The following ASB13 variants were observed in gnomAD, a reference collection of about 807,000 sequenced individuals.
ASB13 encodes ankyrin repeat and SOCS box protein 13.
In ASB13, 33 loss-of-function variants were observed where a neutral mutation model predicts 28.8. The observed-to-expected ratio is 1.15, with a 90% confidence interval of 0.87 to 1.53. ASB13 has a LOEUF of 1.53. ASB13 is among the 40% of genes most tolerant of loss of function. The pLI is 0.00. For synonymous variants in ASB13, 182 were observed against 172.9 expected (o/e 1.05, Z -0.41); for missense variants, 414 against 390.1 (o/e 1.06, Z -0.52).
At position 5,652,875 on chromosome 10, in the gene ASB13, C is replaced by A; in HGVS notation, c.219G>T (p.Ala73=). The A allele has an allele frequency of 6.4e-7, 1 of 1,551,144 alleles. No individual in the cohort carries two copies. Among genetic ancestry groups the A allele is most frequent in the South Asian group, 1.2e-5 (1 of 84,204 alleles). ...GQARCVQLLL[A]AGAQVDARNI... ...AAGGGCCACTCACCTGGGCCCCAGC[C>A]GCCAGCAGCAGCTGCACACACCGCG... The change falls in exon 2 of 6, where the codon GCG becomes GCT. Residue 73 remains alanine, a synonymous_variant. Coordinates refer to ENST00000357700, the MANE Select transcript of ASB13 (RefSeq NM_024701.4). The surrounding 1 kb of genome is among the most constrained non-coding windows in gnomAD (Gnocchi z 5.0).
Position 5,666,426 on chromosome 10 carries a change from C to A in ASB13, c.43+83G>T, listed in dbSNP as rs539003989. 5.1e-6 allele frequency: 6 copies of A among 1,179,704 alleles called. No individual in the cohort carries two copies. In the African/African-American group the frequency reaches 6.5e-5, roughly 13 times the overall value. 73.1% of individuals were successfully genotyped at this position (1,179,704 alleles called of 1,614,324 possible). ...CAGCGCGGGGCGCGCCACCACCTCC[C>A]CGGCGCAGGCCATCGGATACGCGGC... On this transcript the variant is annotated intron_variant, in intron 1 of 5. Coordinates refer to ENST00000357700, the MANE Select transcript of ASB13 (RefSeq NM_024701.4).
At chr10:5,640,922 G>T in intron 5 of ASB13, 92 bp from the exon 6 acceptor site, 1 of 1,501,884 alleles carries the variant, frequency 6.7e-7, no homozygotes. Flanking sequence ...AATCGGAAAC[G>T]CCTCCCTTTC....
At chr10:5,653,662 ATT>A (rs1554742839) in intron 1 of ASB13, among the ~76,000 whole-genome samples, 1 of 4,606 alleles carries the variant, frequency 2.2e-4, no homozygotes, top group Admixed American at 3.9e-3. Flanking sequence ...GATGCCATTT[ATT>A]TATTTATTTA....
Position 5,650,208 on chromosome 10 carries a change from T to C in ASB13, c.382+1005A>G, listed in dbSNP as rs939194295. ...CACTCCACCAGCCTACTCTGAGCAC[T>C]GGGCACCTTGATCTCAGCGATGGTC... On this transcript the variant is annotated intron_variant, in intron 3 of 5. Coordinates refer to ENST00000357700, the MANE Select transcript of ASB13 (RefSeq NM_024701.4). This position sits in a 1 kb window ranked among gnomAD's most constrained non-coding sequence, Gnocchi z 6.0. Among the ~76,000 whole-genome samples, 5 of 152,200 alleles carry C rather than the reference T, an allele frequency of 3.3e-5. No homozygotes were observed. Among genetic ancestry groups the C allele is most frequent in the African/African-American group, 7.2e-5 (3 of 41,450 alleles).
chr10:5,666,389 C>G lies in ASB13; in HGVS notation c.43+120G>C, dbSNP rs968911122. On this transcript the variant is annotated intron_variant, in intron 1 of 5. Transcript: ENST00000357700. ...CGCGGCCCACCCCGCCAAACGCCCC[C>G]GCCCACGGAGCCAGCGCGGGGCGCG... The G allele has an allele frequency of 4.6e-5, 41 of 892,916 alleles. No individual in the cohort carries two copies. The African/African-American group carries it at 6.1e-4, about 13-fold the overall frequency. 55.3% of individuals were successfully genotyped at this position (892,916 alleles called of 1,614,324 possible).
Position 5,662,546 on chromosome 10 carries a change from GA to G in ASB13, c.43+3962del, listed in dbSNP as rs1835186711. On this transcript the variant is annotated intron_variant, in intron 1 of 5. Transcript: ENST00000357700. ...CTCTGTCGAGAAGGGGGGGGGAGGG[GA>G]GGGGAGGGGAGGGGAGGGGAGAAGA... 6.3e-4 allele frequency among the ~76,000 whole-genome samples: 43 copies of G among 68,340 alleles called. 1 individual carries two copies. Among genetic ancestry groups the G allele is most frequent in the African/African-American group, 1.5e-3 (25 of 17,146 alleles). 44.8% of individuals were successfully genotyped at this position (68,340 alleles called of 152,430 possible).
In ASB13 at chr10:5,660,686, C is replaced by T. The variant is rs982568295; in HGVS notation, c.43+5823G>A. Among the ~76,000 whole-genome samples the T allele has an allele frequency of 6.6e-6, 1 of 152,204 alleles. No individual in the cohort carries two copies. Among genetic ancestry groups the T allele is most frequent in the African/African-American group, 2.4e-5 (1 of 41,456 alleles). The stretch of plus-strand genomic sequence containing the variant: ...TCCAGGATCATTGCTGTCATTATTA[C>T]CCTACCAGTCCTGTGGGGAGGGCAG... On this transcript the variant is annotated intron_variant, in intron 1 of 5. Transcript: ENST00000357700. The surrounding 1 kb of genome is among the most constrained non-coding windows in gnomAD (Gnocchi z 6.1).
Position 5,651,180 on chromosome 10 carries a change from C to T in ASB13, c.382+33G>A. On this transcript the variant is annotated intron_variant, in intron 3 of 5. Transcript: ENST00000357700. The surrounding 1 kb of genome is among the most constrained non-coding windows in gnomAD (Gnocchi z 5.1). ...CAGAAAGGAGGAAACTTCCAGAGCC[C>T]AGCTGGGCCAGCCCAGCCGTCTGCC... 1 of 1,573,692 alleles carries T rather than the reference C, an allele frequency of 6.4e-7. No individual in the cohort carries two copies.
At chr10:5,646,416 C>G (rs1222417384) in intron 4 of ASB13, among the ~76,000 whole-genome samples, 2 of 152,210 alleles carry the variant, frequency 1.3e-5, no homozygotes. Context: ...TTTTCCACTC[C>G]GCTGAAAGAG....
At position 5,664,576 on chromosome 10, in the gene ASB13, G is replaced by A. The variant is rs1280458465; in HGVS notation, c.43+1933C>T. Reference sequence around the variant, plus strand: ...AAAAACAATTCTACTGGAGGACCCTGGGGGGAACGTACGGGGGAGTGGGGG... The same window carrying A: ...AAAAACAATTCTACTGGAGGACCCTAGGGGGAACGTACGGGGGAGTGGGGG... On this transcript the variant is annotated intron_variant, in intron 1 of 5. Coordinates refer to ENST00000357700, the MANE Select transcript of ASB13 (RefSeq NM_024701.4). The surrounding 1 kb of genome is among the most constrained non-coding windows in gnomAD (Gnocchi z 4.2). Among the ~76,000 whole-genome samples, 1 of 152,168 alleles carries A rather than the reference G, an allele frequency of 6.6e-6. No individual in the cohort carries two copies. Among genetic ancestry groups the A allele is most frequent in the African/African-American group, 2.4e-5 (1 of 41,428 alleles).
chr10:5,653,712 C>T (rs1291631360), intron 1 of ASB13, among the ~76,000 whole-genome samples: 2 of 152,056 alleles, frequency 1.3e-5, no homozygotes, highest in African/African-American at 2.4e-5. Flanking sequence ...GACGGAGTCT[C>T]GCTCTGTCAC....
intron 4 of ASB13, among the ~76,000 whole-genome samples, chr10:5,647,076 T>G (rs557464667): frequency 6.6e-6 from 1 of 152,260 alleles, no homozygotes; most frequent in South Asian, 2.1e-4. Context: ...ATAACTAAGC[T>G]CAAATGGCTG....
rs1834793872 is a variant in ASB13, at chr10:5,640,638, A to G, written c.*65T>C. ...ATCACGCTGCTTCAGAGGAACAGGC[A>G]GAGCCCTCACCCGGGCAATGCTGGG... is the stretch of plus-strand genomic sequence containing the variant. On this transcript the variant is annotated 3_prime_UTR_variant, in exon 6 of 6. Coordinates refer to ENST00000357700, the MANE Select transcript of ASB13 (RefSeq NM_024701.4). 6.2e-7 allele frequency: 1 copy of G among 1,602,294 alleles called. No homozygotes were observed. The highest frequency in any genetic ancestry group is 8.5e-7 in the Non-Finnish European group (1 of 1,170,880).
At chr10:5,665,442 C>G (rs1835243590) in intron 1 of ASB13, among the ~76,000 whole-genome samples, 1 of 152,208 alleles carries the variant, frequency 6.6e-6, no homozygotes, top group South Asian at 2.1e-4. Context: ...TCTACAGATG[C>G]ATTCCATAAC....
chr10:5,660,515 C>A lies in ASB13; in HGVS notation c.43+5994G>T, dbSNP rs1835143696. 6.6e-6 allele frequency among the ~76,000 whole-genome samples: 1 copy of A among 152,186 alleles called. No homozygotes were observed. Reference sequence around the variant, plus strand: ...CTCTACAGGGGCAAGCTGCAGGAACCACCCTGCTCGTGAGTTCAAAGCTCG... The same window carrying A: ...CTCTACAGGGGCAAGCTGCAGGAACAACCCTGCTCGTGAGTTCAAAGCTCG... On this transcript the variant is annotated intron_variant, in intron 1 of 5. Transcript: ENST00000357700. The surrounding 1 kb of genome is among the most constrained non-coding windows in gnomAD (Gnocchi z 6.1).
chr10:5,666,465 C>G, intron 1 of ASB13, 44 bp downstream of exon 1: 1 of 1,277,286 alleles, frequency 7.8e-7, no homozygotes, highest in Non-Finnish European at 9.9e-7. Context: ...CCTCAGGAGC[C>G]GGCGCCGCTG....
In ASB13 at chr10:5,651,142, G is replaced by A. The variant is rs1268373854; in HGVS notation, c.382+71C>T. On this transcript the variant is annotated intron_variant, in intron 3 of 5. Transcript: ENST00000357700. The surrounding 1 kb of genome is among the most constrained non-coding windows in gnomAD (Gnocchi z 5.1). ...CTGTCTACTCTGCTTCCTTCCCTAA[G>A]TCCCTTTAATCCCAGAAAGGAGGAA... 3.3e-6 allele frequency: 5 copies of A among 1,506,708 alleles called. No homozygotes were observed. The highest frequency in any genetic ancestry group is 1.4e-5 in the African/African-American group (1 of 71,330). 93.3% of individuals were successfully genotyped at this position (1,506,708 alleles called of 1,614,324 possible). A position where few individuals can be genotyped will look rare whatever the true frequency, so the allele number is the denominator to read the frequency against.
At position 5,658,894 on chromosome 10, in the gene ASB13, C is replaced by T. The variant is rs898746144; in HGVS notation, c.44-5844G>A. Among the ~76,000 whole-genome samples, 1 of 152,130 alleles carries T rather than the reference C, an allele frequency of 6.6e-6. No individual in the cohort carries two copies. Among genetic ancestry groups the T allele is most frequent in the African/African-American group, 2.4e-5 (1 of 41,406 alleles). ...GGGTGCACCTCGTCACCTTTCCTGA[C>T]ACCCCCAAACCACCGATGGCCCTTC... On this transcript the variant is annotated intron_variant, in intron 1 of 5. Coordinates refer to ENST00000357700, the MANE Select transcript of ASB13 (RefSeq NM_024701.4). The surrounding 1 kb of genome is among the most constrained non-coding windows in gnomAD (Gnocchi z 4.2).
In ASB13 at chr10:5,649,053, G is replaced by C. The variant is rs757058806; in HGVS notation, c.434C>G (p.Ala145Gly). Residue 145 changes from alanine to glycine, a missense_variant, in exon 4 of 6, where the codon GCG becomes GGG. By Grantham distance (60) the Ala-to-Gly change is moderately conservative. Transcript: ENST00000357700. The surrounding 1 kb of genome is among the most constrained non-coding windows in gnomAD (Gnocchi z 6.4). The stretch of plus-strand genomic sequence containing the variant: ...AGGGGTCCCAAAATGGCAATCGTGC[G>C]CTTCCAGATTGGCCCCGACGTCAAT... ...LLIDVGANLEAHDCHFGTPLH... is the reference protein window; with the variant it reads ...LLIDVGANLEGHDCHFGTPLH... The C allele has an allele frequency of 6.2e-7, 1 of 1,614,244 alleles. No individual in the cohort carries two copies. The highest frequency in any genetic ancestry group is 2.2e-5 in the East Asian group (1 of 44,888).
Sources: gnomAD v4.1 joint callset for allele counts (sites outside exome capture counted in the v4.1 genomes callset) on GRCh38, gnomAD v4.1.1 for gene constraint, Gnocchi (gnomAD v3.1) non-coding constraint, MANE v1.5 for transcripts, NCBI Gene and HGNC (gene_info 2026-07-23, HGNC 2026-07-21) for gene names.